Variants in VXN observed in about 807,000 individuals in gnomAD.
The protein encoded by VXN is vexin.
VXN carries 7 observed loss-of-function variants against 23.1 expected under a neutral mutation model. The ratio of observed to expected loss-of-function variants is 0.30; its 90% CI spans 0.17 to 0.57. The LOEUF (loss-of-function observed/expected upper bound fraction) is 0.57, where lower values mean the gene tolerates loss of function less well. VXN is among the 20% of genes least tolerant of loss of function. VXN has a pLI of 0.91. For synonymous variants in VXN, 120 were observed against 105.8 expected (o/e 1.13, Z -0.83); for missense variants, 238 against 272.6 (o/e 0.87, Z 0.89).
rs1026696618 is a variant in VXN at position 66,517,519 on chromosome 8, T to C, written c.*1443T>C. ...AAGGACCAAGGTTAATAAATGATTT[T>C]CATCCCAAACACTAAACATGATTGA... On this transcript the variant is annotated 3_prime_UTR_variant, in exon 6 of 6. Transcript: ENST00000305454. 1 of 152,208 alleles carries C rather than the reference T, an allele frequency of 6.6e-6. No homozygotes were observed. The highest frequency in any genetic ancestry group is 1.5e-5 in the Non-Finnish European group (1 of 68,036). The allele number at this position is 152,208 out of a possible 1,614,324, so 9.4% of individuals were successfully genotyped here.
At chr8:66,503,387 T>A (rs1218996175) in intron 2 of VXN, 1 of 152,198 alleles carries the variant, frequency 6.6e-6, no homozygotes, top group Non-Finnish European at 1.5e-5. Context: ...CTTGACTGTC[T>A]TTCTAACTGT....
chr8:66,500,269 T>C (rs1255156646), intron 2 of VXN, among the ~76,000 whole-genome samples: 1 of 152,210 alleles, frequency 6.6e-6, no homozygotes, highest in Non-Finnish European at 1.5e-5. Context: ...GAGATACACA[T>C]TGAAACAATT....
intron 3 of VXN, 131 bp downstream of exon 3, chr8:66,505,659 T>G: frequency 8.8e-7 from 1 of 1,142,718 alleles, no homozygotes; most frequent in South Asian, 1.9e-5. Context: ...ACCAAGCACC[T>G]GTGCTTTCCC....
intron 2 of VXN, among the ~76,000 whole-genome samples, chr8:66,500,528 C>T (rs1178227154): frequency 3.9e-5 from 6 of 152,076 alleles, no homozygotes; most frequent in Non-Finnish European, 2.9e-5. Context: ...CTCAGTTATA[C>T]GCCTTTTTCT....
intron 2 of VXN, chr8:66,498,936 T>A (rs1350673018): frequency 5.4e-6 from 2 of 370,856 alleles, no homozygotes; most frequent in Non-Finnish European, 5.5e-6. Context: ...GACTTCAGAG[T>A]CAAATGGCCT....
intron 5 of VXN, 50 bp from the exon 6 acceptor site, chr8:66,515,843 T>A (rs1336977696): frequency 6.8e-7 from 1 of 1,466,934 alleles, no homozygotes; most frequent in South Asian, 1.4e-5. Context: ...AAAATGAAGT[T>A]TGGCTTGTGA....
In VXN at chr8:66,515,785, T is replaced by C; in HGVS notation, c.441-108T>C. The C allele has an allele frequency of 4.2e-6, 4 of 950,042 alleles. No individual in the cohort carries two copies. The South Asian group carries it at 7.3e-5, about 17-fold the overall frequency. 58.9% of individuals were successfully genotyped at this position (950,042 alleles called of 1,614,324 possible). ...TTACAGCTACGTGGATCCCGGTCAC[T>C]GAGGAGGAGCAGAGGAGAGAGAGCT... On this transcript the variant is annotated intron_variant, in intron 5 of 5. Transcript: ENST00000305454.
intron 1 of VXN, 60 bp downstream of exon 1, chr8:66,493,778 A>G (rs950977205): frequency 3.7e-6 from 5 of 1,362,858 alleles, no homozygotes; most frequent in Admixed American, 3.4e-5. Context: ...GAGGGGAAGG[A>G]CAGTCACGTG....
rs920200481 is a variant in VXN, at chr8:66,516,910, G to A, written c.*834G>A. The stretch of plus-strand genomic sequence containing the variant: ...ACCAGGTAGTGGAACCAGACAGCAG[G>A]TCCTTAACTTCTCTCCAGTGGACTC... On this transcript the variant is annotated 3_prime_UTR_variant, in exon 6 of 6. Coordinates refer to ENST00000305454, the MANE Select transcript of VXN (RefSeq NM_152765.4). 9.9e-5 allele frequency: 15 copies of A among 152,164 alleles called. No individual in the cohort carries two copies. Among genetic ancestry groups the A allele is most frequent in the African/African-American group, 3.6e-4 (15 of 41,448 alleles). The allele number at this position is 152,164 out of a possible 1,614,324, so 9.4% of individuals were successfully genotyped here.
chr8:66,499,188 G>A (rs1461075269), intron 2 of VXN, among the ~76,000 whole-genome samples: 1 of 145,376 alleles, frequency 6.9e-6, no homozygotes, highest in African/African-American at 2.5e-5. Flanking sequence ...TCCAGAGCCT[G>A]ACACATATAA....
chr8:66,494,755 A>T (rs187896130), intron 1 of VXN: 1 of 152,312 alleles, frequency 6.6e-6, no homozygotes, highest in Non-Finnish European at 1.5e-5. Flanking sequence ...AAACTCTGAA[A>T]GTCCAAGTTG....
intron 5 of VXN, among the ~76,000 whole-genome samples, chr8:66,515,304 C>A (rs981798083): frequency 1.3e-5 from 2 of 152,180 alleles, no homozygotes; most frequent in African/African-American, 4.8e-5. Context: ...AAATTAAGCC[C>A]ACCATTTCTT....
At chr8:66,496,617 C>G (rs1316864647) in intron 2 of VXN, 125 bp downstream of exon 2, 1 of 819,668 alleles carries the variant, frequency 1.2e-6, no homozygotes, top group East Asian at 2.6e-5. Context: ...CCATGTGGTG[C>G]GTGCTGCACT....
intron 1 of VXN, among the ~76,000 whole-genome samples, chr8:66,494,031 A>G (rs1807597439): frequency 6.6e-6 from 1 of 152,176 alleles, no homozygotes; most frequent in Non-Finnish European, 1.5e-5. Flanking sequence ...TGAAAACAAA[A>G]TCCCAGGGTA....
intron 5 of VXN, among the ~76,000 whole-genome samples, chr8:66,515,198 C>T (rs1807873433): frequency 6.6e-6 from 1 of 152,176 alleles, no homozygotes; most frequent in African/African-American, 2.4e-5. Context: ...TTTCAGTCCA[C>T]GTGGCTGCGT....
intron 3 of VXN, among the ~76,000 whole-genome samples, chr8:66,508,210 A>T (rs557093313): frequency 6.6e-6 from 1 of 151,990 alleles, no homozygotes; most frequent in African/African-American, 2.4e-5. Flanking sequence ...CACCTTCGAC[A>T]TGAAACACTG....
chr8:66,500,868 A>ATTTTTTT (rs1172553891), intron 2 of VXN, among the ~76,000 whole-genome samples: 1 of 114,152 alleles, frequency 8.8e-6, no homozygotes, highest in Non-Finnish European at 1.8e-5. Context: ...AAAGGACATG[A>ATTTTTTT]TTTTTTTTTT....
chr8:66,493,659 A>G lies in VXN; in HGVS notation c.11A>G (p.Gln4Arg), dbSNP rs1387495648. The stretch of plus-strand genomic sequence containing the variant: ...GAAGAGGAGGCTGAAATGATGCATC[A>G]GATTTACAGCTGCAGTGACGAGAAC... MMH[Q>R]IYSCSDENIE... The change falls in exon 1 of 6, where the codon CAG becomes CGG. Residue 4 changes from glutamine to arginine, a missense_variant. Transcript: ENST00000305454. 1 of 1,613,422 alleles carries G rather than the reference A, an allele frequency of 6.2e-7. No individual in the cohort carries two copies. The highest frequency in any genetic ancestry group is 1.3e-5 in the African/African-American group (1 of 75,028).
chr8:66,509,386 G>C (rs1344927653), intron 3 of VXN, among the ~76,000 whole-genome samples: 1 of 152,122 alleles, frequency 6.6e-6, no homozygotes, highest in East Asian at 1.9e-4. Context: ...AGGAATAAAG[G>C]CATTAGAAAG....
Sources: allele counts gnomAD v4.1 joint callset (sites outside exome capture counted in the v4.1 genomes callset), GRCh38; gene constraint gnomAD v4.1.1; transcripts MANE v1.5; gene names NCBI Gene and HGNC (gene_info 2026-07-23, HGNC 2026-07-21).